The following IQCH variants were observed in gnomAD, a reference collection of about 807,000 sequenced individuals.
The protein encoded by IQCH is IQ domain-containing protein H.
Under a neutral mutation model 117.0 loss-of-function variants are expected in IQCH, and 98 were observed. The observed-to-expected ratio is 0.84, with a 90% CI of 0.71 to 0.99. The LOEUF is 0.99. Among genes scored for constraint, IQCH ranks in the 50% least tolerant of loss-of-function variants. The probability of loss-of-function intolerance (pLI) is 0.00; values close to 1 mark genes in which losing one functional copy is unlikely to be tolerated. For synonymous variants in IQCH, 412 were observed against 448.2 expected, an observed-to-expected ratio of 0.92 and a Z score of 1.02; for missense variants, 1,102 against 1,243.8, an observed-to-expected ratio of 0.89 and a Z score of 1.72.
rs1376463555 is a variant in IQCH, at chr15:67,401,667, A to G, written c.2097+1362A>G. Among the ~76,000 whole-genome samples, 1 of 152,184 alleles carries G rather than the reference A, an allele frequency of 6.6e-6. No homozygotes were observed. The highest frequency in any genetic ancestry group is 1.5e-5 in the Non-Finnish European group (1 of 68,026). ...TTTGACAAATGTGACTGGTTTCCCC[A>G]TGATCTATTCTGGGCTTCGTTTCTC... is the stretch of plus-strand genomic sequence containing the variant. On this transcript the variant is annotated intron_variant, in intron 14 of 20. Coordinates refer to ENST00000335894, the MANE Select transcript of IQCH (RefSeq NM_001031715.3). The surrounding 1 kb of genome is among the most constrained non-coding windows in gnomAD (Gnocchi z 4.7).
At chr15:67,272,491 T>G (rs1458724849) in intron 3 of IQCH, among the ~76,000 whole-genome samples, 3 of 152,240 alleles carry the variant, frequency 2.0e-5, no homozygotes, top group Admixed American at 6.5e-5. Context: ...ATTTTCTGAC[T>G]GGATGATCTG....
At chr15:67,434,762 T>C (rs896211097) in intron 16 of IQCH, among the ~76,000 whole-genome samples, 2 of 151,096 alleles carry the variant, frequency 1.3e-5, no homozygotes, top group South Asian at 2.1e-4. Context: ...CCAATACTTA[T>C]CTTTTGTCTT....
At chr15:67,271,202 T>C (rs1169407089) in intron 3 of IQCH, among the ~76,000 whole-genome samples, 1 of 152,164 alleles carries the variant, frequency 6.6e-6, no homozygotes, top group African/African-American at 2.4e-5. Flanking sequence ...ACTCCTGACG[T>C]TGTGATCCGC....
chr15:67,272,267 A>T (rs1369506251), intron 3 of IQCH, among the ~76,000 whole-genome samples: 2 of 152,108 alleles, frequency 1.3e-5, no homozygotes, highest in Admixed American at 6.5e-5. Flanking sequence ...TGTAGTTAGA[A>T]AAAAATACTT....
At chr15:67,340,426 CAAAAAAAAAAAAAAAAAAAAAAA>C (rs57244130) in intron 5 of IQCH, among the ~76,000 whole-genome samples, 27 of 62,658 alleles carry the variant, frequency 4.3e-4, no homozygotes, top group South Asian at 3.6e-3. Context: ...TACTCCATCT[CAAAAAAAAAAAAAAAAAAAAAAA>C]AAAAAAAAAA....
chr15:67,336,586 TA>T (rs1412635563), intron 4 of IQCH, among the ~76,000 whole-genome samples: 1 of 152,200 alleles, frequency 6.6e-6, no homozygotes, highest in Non-Finnish European at 1.5e-5. Context: ...GTTTTAACAT[TA>T]ACACTCTAAC....
chr15:67,279,117 A>G (rs184601692), intron 3 of IQCH, among the ~76,000 whole-genome samples: 34 of 152,332 alleles, frequency 2.2e-4, no homozygotes, highest in East Asian at 1.5e-3. Context: ...ATAGTGCAAT[A>G]ATTCTGTCAG....
Position 67,432,593 on chromosome 15 carries a change from T to C in IQCH, c.2505+11016T>C, listed in dbSNP as rs1308318141. Among the ~76,000 whole-genome samples the C allele has an allele frequency of 6.6e-6, 1 of 152,192 alleles. No homozygotes were observed. The highest frequency in any genetic ancestry group is 1.9e-4 in the East Asian group (1 of 5,202). On this transcript the variant is annotated intron_variant, in intron 16 of 20. Coordinates refer to ENST00000335894, the MANE Select transcript of IQCH (RefSeq NM_001031715.3). This position sits in a 1 kb window ranked among gnomAD's most constrained non-coding sequence, Gnocchi z 5.0. The stretch of plus-strand genomic sequence containing the variant: ...TATTAAATCAAATGGCATAACCACA[T>C]GTAAAACTGTCACAGGAGCCCTCAG...
intron 16 of IQCH, among the ~76,000 whole-genome samples, chr15:67,455,714 T>A (rs546638974): frequency 1.3e-5 from 2 of 152,174 alleles, no homozygotes; most frequent in African/African-American, 4.8e-5. Flanking sequence ...CAGAAGACTT[T>A]TGGAGATCAT....
intron 10 of IQCH, among the ~76,000 whole-genome samples, chr15:67,380,844 C>G (rs573637642): frequency 6.6e-6 from 1 of 152,272 alleles, no homozygotes; most frequent in African/African-American, 2.4e-5. Context: ...AACTATTCCT[C>G]CAGATCACCA....
At chr15:67,327,703 G>T (rs571578183) in intron 4 of IQCH, among the ~76,000 whole-genome samples, 39 of 152,320 alleles carry the variant, frequency 2.6e-4, no homozygotes, top group African/African-American at 9.1e-4. Flanking sequence ...CTCTATGCTT[G>T]CTGTGGTTGG....
Position 67,459,215 on chromosome 15 carries a change from A to G in IQCH, c.2506-5912A>G, listed in dbSNP as rs529372607. 6.6e-6 allele frequency among the ~76,000 whole-genome samples: 1 copy of G among 152,338 alleles called. No homozygotes were observed. The highest frequency in any genetic ancestry group is 6.5e-5 in the Admixed American group (1 of 15,302). On this transcript the variant is annotated intron_variant, in intron 16 of 20. Coordinates refer to ENST00000335894, the MANE Select transcript of IQCH (RefSeq NM_001031715.3). The surrounding 1 kb of genome is among the most constrained non-coding windows in gnomAD (Gnocchi z 4.2). ...TCTTACAAAAAGAAAAAGAGGAAGA[A>G]GACGATAAGAAAACTTAGAGATGAG...
chr15:67,324,285 A>C (rs1353053168), intron 4 of IQCH, among the ~76,000 whole-genome samples: 3 of 148,358 alleles, frequency 2.0e-5, no homozygotes, highest in Non-Finnish European at 3.0e-5. Context: ...TGCTGGTAAC[A>C]CTTGCCTGTC....
intron 4 of IQCH, chr15:67,281,498 G>T (rs1040840181): frequency 1.5e-5 from 5 of 335,272 alleles, no homozygotes; most frequent in Non-Finnish European, 3.0e-5. Context: ...CAGGTTATAA[G>T]AGGGAGAAAG....
Position 67,458,949 on chromosome 15 carries a change from T to C in IQCH, c.2506-6178T>C, listed in dbSNP as rs1204792701. ...AGAGTTGGCTTATTTGGAGTGCCTG[T>C]CTTTTTAAAAATTTTCGGCAATATG... On this transcript the variant is annotated intron_variant, in intron 16 of 20. Transcript: ENST00000335894. This position sits in a 1 kb window ranked among gnomAD's most constrained non-coding sequence, Gnocchi z 4.1. Among the ~76,000 whole-genome samples, 1 of 152,226 alleles carries C rather than the reference T, an allele frequency of 6.6e-6. No individual in the cohort carries two copies. The highest frequency in any genetic ancestry group is 1.5e-5 in the Non-Finnish European group (1 of 68,038).
intron 16 of IQCH, among the ~76,000 whole-genome samples, chr15:67,437,968 C>A (rs1308745478): frequency 2.0e-5 from 3 of 152,142 alleles, no homozygotes; most frequent in Non-Finnish European, 1.5e-5. Flanking sequence ...GCTTGGAAAA[C>A]ATATTTGGGG....
Position 67,472,389 on chromosome 15 carries a change from C to T in IQCH, c.2677-3307C>T, listed in dbSNP as rs1352358431. 6.6e-6 allele frequency among the ~76,000 whole-genome samples: 1 copy of T among 152,012 alleles called. No homozygotes were observed. The highest frequency in any genetic ancestry group is 1.9e-4 in the East Asian group (1 of 5,192). On this transcript the variant is annotated intron_variant, in intron 17 of 20. Coordinates refer to ENST00000335894, the MANE Select transcript of IQCH (RefSeq NM_001031715.3). The surrounding 1 kb of genome is among the most constrained non-coding windows in gnomAD (Gnocchi z 4.3). ...CAGGGTCTAGATTTCACCGTGAAGG[C>T]AAAAAGGCCTGAATATTTCTGAATA... is the stretch of plus-strand genomic sequence containing the variant.
In IQCH at chr15:67,432,329, A is replaced by T. The variant is rs897177751; in HGVS notation, c.2505+10752A>T. ...ACCGCAGTATATCCCATAAAGTCTG[A>T]AAACGATTTTTAAGAGTTTCTAAAT... On this transcript the variant is annotated intron_variant, in intron 16 of 20. Transcript: ENST00000335894. This position sits in a 1 kb window ranked among gnomAD's most constrained non-coding sequence, Gnocchi z 5.0. Among the ~76,000 whole-genome samples, 3 of 152,188 alleles carry T rather than the reference A, an allele frequency of 2.0e-5. No homozygotes were observed. The highest frequency in any genetic ancestry group is 7.2e-5 in the African/African-American group (3 of 41,450).
At chr15:67,461,830 T>C (rs2082802779) in intron 16 of IQCH, among the ~76,000 whole-genome samples, 1 of 152,116 alleles carries the variant, frequency 6.6e-6, no homozygotes, top group African/African-American at 2.4e-5. Context: ...AGTTGTGAGG[T>C]TGAATAGAAC....
Sources: gnomAD v4.1 joint callset for allele counts (sites outside exome capture counted in the v4.1 genomes callset) on GRCh38, gnomAD v4.1.1 for gene constraint, Gnocchi (gnomAD v3.1) non-coding constraint, MANE v1.5 for transcripts, NCBI Gene and HGNC (gene_info 2026-07-23, HGNC 2026-07-21) for gene names.